The following NRXN3 variants were observed in gnomAD, a reference collection of about 807,000 sequenced individuals.
NRXN3 encodes neurexin III.
A neutral mutation model predicts 137.6 loss-of-function variants in NRXN3; 32 were observed. The observed-to-expected ratio is 0.23, with a 90% CI of 0.18 to 0.31. The LOEUF (loss-of-function observed/expected upper bound fraction) is 0.31. Ranked by LOEUF, NRXN3 falls within the 10% of genes least tolerant of loss-of-function variation. NRXN3 has a pLI of 1.00. For missense variants in NRXN3, 1,574 were observed against 2,062.5 expected (o/e 0.76, Z 4.59); for synonymous variants, 798 against 784.5 (o/e 1.02, Z -0.29).
chr14:78,983,674 TG>T (rs1195347711), intron 14 of NRXN3, among the ~76,000 whole-genome samples: 1 of 151,608 alleles, frequency 6.6e-6, no homozygotes, highest in Non-Finnish European at 1.5e-5. Flanking sequence ...CTGGCCAACA[TG>T]GTGAAACCCT....
intron 15 of NRXN3, among the ~76,000 whole-genome samples, chr14:79,452,311 A>C (rs1474903853): frequency 6.6e-6 from 1 of 152,190 alleles, no homozygotes; most frequent in African/African-American, 2.4e-5. Flanking sequence ...GTATTTTTCC[A>C]TAAAATTGCA....
chr14:79,774,808 T>G (rs1264381985), intron 19 of NRXN3, among the ~76,000 whole-genome samples: 2 of 152,162 alleles, frequency 1.3e-5, no homozygotes, highest in Admixed American at 6.6e-5. Flanking sequence ...TAGATAATCT[T>G]TGCTCTCTAT....
At chr14:79,452,361 A>G (rs2096188729) in intron 15 of NRXN3, among the ~76,000 whole-genome samples, 1 of 152,236 alleles carries the variant, frequency 6.6e-6, no homozygotes, top group African/African-American at 2.4e-5. Flanking sequence ...TACATCCATC[A>G]TAATAAATCT....
chr14:78,806,418 A>C, intron 9 of NRXN3, among the ~76,000 whole-genome samples: 1 of 152,178 alleles, frequency 6.6e-6, no homozygotes, highest in East Asian at 1.9e-4. Flanking sequence ...CAATTACAGA[A>C]GAAAATGTAT....
At position 78,966,409 on chromosome 14, in the gene NRXN3, A is replaced by G. The variant is rs1157795960; in HGVS notation, c.2777+3A>G. On this transcript the variant is annotated splice_donor_region_variant and intron_variant, in intron 12 of 20. Coordinates refer to ENST00000335750, the MANE Select transcript of NRXN3 (RefSeq NM_001330195.2). ...ATTGCAGTCGAGCTTGTCAAGGGGT[A>G]AGTAGAAGGGATCACGACTTATGTT... 1.6e-5 allele frequency: 25 copies of G among 1,610,668 alleles called. No individual in the cohort carries two copies. The highest frequency in any genetic ancestry group is 2.1e-5 in the Non-Finnish European group (25 of 1,177,442).
chr14:79,159,920 G>T (rs2060601953), intron 15 of NRXN3, among the ~76,000 whole-genome samples: 2 of 151,948 alleles, frequency 1.3e-5, no homozygotes, highest in Admixed American at 1.3e-4. Context: ...ACTTTTGGAA[G>T]ACCCCTCATA....
At chr14:79,777,855 A>G (rs2099101886) in intron 19 of NRXN3, among the ~76,000 whole-genome samples, 1 of 152,072 alleles carries the variant, frequency 6.6e-6, no homozygotes, top group Admixed American at 6.5e-5. Context: ...CAAGGTCAAT[A>G]GAATTCAGAA....
In NRXN3 at chr14:79,341,414, C is replaced by T. The variant is rs575038674; in HGVS notation, c.3263-125807C>T. Among the ~76,000 whole-genome samples, 344 of 152,252 alleles carry T rather than the reference C, an allele frequency of 2.3e-3. 1 individual carries two copies. The highest frequency in any genetic ancestry group is 7.7e-3 in the African/African-American group (319 of 41,542). ...CACTTGCCACTCAAAGTGCGATCCACAAAACCAGCAGCAGTAGCAGCACCT... is the reference window on the plus strand; with the variant it reads ...CACTTGCCACTCAAAGTGCGATCCATAAAACCAGCAGCAGTAGCAGCACCT... On this transcript the variant is annotated intron_variant, in intron 15 of 20. Transcript: ENST00000335750.
intron 15 of NRXN3, among the ~76,000 whole-genome samples, chr14:79,249,408 A>G (rs1195166887): frequency 6.6e-6 from 1 of 152,184 alleles, no homozygotes; most frequent in East Asian, 1.9e-4. Context: ...ATGAAGAGAA[A>G]CTAATGAAGG....
chr14:79,056,506 T>C (rs2099663630), intron 15 of NRXN3, among the ~76,000 whole-genome samples: 1 of 152,096 alleles, frequency 6.6e-6, no homozygotes, highest in Non-Finnish European at 1.5e-5. Flanking sequence ...CATATCAATA[T>C]AAACAAAGAG....
At chr14:79,371,624 T>C (rs1353708165) in intron 15 of NRXN3, among the ~76,000 whole-genome samples, 1 of 152,176 alleles carries the variant, frequency 6.6e-6, no homozygotes, top group Non-Finnish European at 1.5e-5. Flanking sequence ...TGATATTTAA[T>C]AGATCAAATT....
At chr14:79,784,759 T>TA (rs1341789132) in intron 19 of NRXN3, among the ~76,000 whole-genome samples, 1 of 152,040 alleles carries the variant, frequency 6.6e-6, no homozygotes, top group African/African-American at 2.4e-5. Context: ...ATCGGGCTGT[T>TA]AAAATTAACT....
At chr14:78,983,083 G>A (rs762589585) in intron 14 of NRXN3, among the ~76,000 whole-genome samples, 7 of 152,148 alleles carry the variant, frequency 4.6e-5, no homozygotes, top group Non-Finnish European at 1.0e-4. Flanking sequence ...AAACCATGAT[G>A]AGATATCACC....
In NRXN3 at chr14:79,697,743, C is replaced by A. The variant is rs2098740647; in HGVS notation, c.3820C>A (p.Leu1274Met). Residue 1274 changes from leucine to methionine, a missense_variant, in exon 19 of 21, where the codon CTG becomes ATG. Coordinates refer to ENST00000335750, the MANE Select transcript of NRXN3 (RefSeq NM_001330195.2). The part of the protein sequence containing the change: ...SGLYYDGLKV[L>M]NMAAENNPNI... ...GCTCTATTATGATGGTTTGAAAGTA[C>A]TGAACATGGCGGCTGAGAACAACCC... 1 of 1,613,058 alleles carries A rather than the reference C, an allele frequency of 6.2e-7. No homozygotes were observed. The highest frequency in any genetic ancestry group is 1.3e-5 in the African/African-American group (1 of 74,850).
At chr14:78,917,962 TAAAAAAAA>T (rs1354874901) in intron 10 of NRXN3, among the ~76,000 whole-genome samples, 522 of 47,106 alleles carry the variant, frequency 0.011, 3 homozygotes, top group African/African-American at 0.044. Context: ...TTTGCAAAAA[TAAAAAAAA>T]TAAAAAAATA....
At chr14:79,030,234 T>C (rs1180918697) in intron 15 of NRXN3, among the ~76,000 whole-genome samples, 1 of 151,868 alleles carries the variant, frequency 6.6e-6, no homozygotes, top group Non-Finnish European at 1.5e-5. Flanking sequence ...ATGCCAGTAG[T>C]AGCCCCCCCA....
chr14:79,023,740 A>C (rs903969589), intron 15 of NRXN3, among the ~76,000 whole-genome samples: 1 of 152,086 alleles, frequency 6.6e-6, no homozygotes, highest in East Asian at 1.9e-4. Context: ...AAACCATCAG[A>C]TCTCAAGAGA....
chr14:79,275,411 T>C (rs1274705149), intron 15 of NRXN3, among the ~76,000 whole-genome samples: 1 of 152,068 alleles, frequency 6.6e-6, no homozygotes, highest in East Asian at 1.9e-4. Flanking sequence ...GTGCAGTTCA[T>C]ATGAGATGTG....
chr14:78,453,794 T>C (rs928607168), intron 4 of NRXN3, among the ~76,000 whole-genome samples: 7 of 152,234 alleles, frequency 4.6e-5, no homozygotes, highest in African/African-American at 1.7e-4. Context: ...GAGAATGCCA[T>C]GTGAACATGA....
Sources: gnomAD v4.1 joint callset for allele counts (sites outside exome capture counted in the v4.1 genomes callset) on GRCh38, gnomAD v4.1.1 for gene constraint, MANE v1.5 for transcripts, NCBI Gene and HGNC (gene_info 2026-07-23, HGNC 2026-07-21) for gene names.